Variants in PANK1 observed in about 807,000 individuals in gnomAD.
The protein encoded by PANK1 is pantothenate kinase 1, also known as pantothenic acid kinase 1.
A neutral mutation model predicts 40.1 loss-of-function variants in PANK1; 18 were observed. The observed-to-expected ratio is 0.45, with a 90% confidence interval of 0.31 to 0.67. The LOEUF (loss-of-function observed/expected upper bound fraction) is 0.67. PANK1 is among the 30% of genes least tolerant of loss of function. PANK1 has a pLI of 0.06. For synonymous variants in PANK1, 242 were observed against 237.7 expected (o/e 1.02, Z -0.17); for missense variants, 457 against 599.6 (o/e 0.76, Z 2.48).
Position 89,584,456 on chromosome 10 carries a change from C to A in PANK1, c.1336G>T (p.Gly446Ter). 1 of 1,603,892 alleles carries A rather than the reference C, an allele frequency of 6.2e-7. No individual in the cohort carries two copies. The highest frequency in any genetic ancestry group is 8.5e-7 in the Non-Finnish European group (1 of 1,170,800). ...ALFLEHEGYF[G>*]AVGALLELFK... ...AGTTCCAACAGTGCCCCAACGGCTC[C>A]AAAATAACCCTACGAAAACAATACA... Residue 446 changes from glycine to a stop codon, truncating the protein, a stop_gained, in exon 7 of 7, where the codon GGA (glycine) becomes TGA (stop). Coordinates refer to ENST00000307534, the MANE Select transcript of PANK1 (RefSeq NM_148977.3). LOFTEE classifies it high-confidence loss of function.
rs779055948 is a variant in PANK1, at chr10:89,593,253, A to G, written c.1144T>C (p.Leu382=). The G allele has an allele frequency of 2.2e-5, 35 of 1,613,644 alleles. No homozygotes were observed. Among genetic ancestry groups the G allele is most frequent in the African/African-American group, 2.7e-5 (2 of 74,890 alleles). The part of the protein sequence containing the change: ...ISKEDLARAT[L]VTITNNIGSI... Reference sequence around the variant, plus strand: ...CCAATGTTGTTGGTGATGGTGACCAATGTGGCCCGGGCGAGGTCTTCCTTG... The same window carrying G: ...CCAATGTTGTTGGTGATGGTGACCAGTGTGGCCCGGGCGAGGTCTTCCTTG... The change falls in exon 5 of 7, where the codon TTG becomes CTG. Residue 382 remains leucine (L), a synonymous_variant. Transcript: ENST00000307534.
At chr10:89,631,956 T>TTGTGTGTGTGTG (rs71471132) in intron 1 of PANK1, among the ~76,000 whole-genome samples, 226 of 135,476 alleles carry the variant, frequency 1.7e-3, no homozygotes, top group African/African-American at 5.6e-3. Flanking sequence ...AAATAACAGA[T>TTGTGTGTGTGTG]TGTGTGTGTG....
chr10:89,642,028 T>TGATA (rs1426505008), intron 1 of PANK1, among the ~76,000 whole-genome samples: 1 of 152,162 alleles, frequency 6.6e-6, no homozygotes, highest in Non-Finnish European at 1.5e-5. Context: ...TAAGGAAACC[T>TGATA]GATAGTAAGT....
intron 2 of PANK1, among the ~76,000 whole-genome samples, chr10:89,608,310 C>T (rs1346100759): frequency 6.6e-6 from 1 of 151,672 alleles, no homozygotes; most frequent in Non-Finnish European, 1.5e-5. Context: ...GGATTACAGG[C>T]GTGAGCCACC....
chr10:89,590,514 A>G (rs886095392), intron 5 of PANK1, among the ~76,000 whole-genome samples: 1 of 152,202 alleles, frequency 6.6e-6, no homozygotes, highest in Admixed American at 6.5e-5. Context: ...TACAATCAAC[A>G]TATCCGATGA....
At chr10:89,644,037 A>G in intron 1 of PANK1, 2 of 322,992 alleles carry the variant, frequency 6.2e-6, no homozygotes, top group South Asian at 7.2e-5. Context: ...AAACCCTCTC[A>G]TTGGCCGTGA....
At chr10:89,609,652 A>G (rs1357928816) in intron 2 of PANK1, among the ~76,000 whole-genome samples, 1 of 152,214 alleles carries the variant, frequency 6.6e-6, no homozygotes. Context: ...AAGGCAGTTC[A>G]TAGACTCTTC....
intron 1 of PANK1, among the ~76,000 whole-genome samples, chr10:89,631,944 G>A (rs1397461477): frequency 1.4e-5 from 2 of 142,882 alleles, no homozygotes; most frequent in Non-Finnish European, 3.0e-5. Context: ...AACTTTTACA[G>A]CAAATAACAG....
At chr10:89,586,314 T>A (rs1031877690) in intron 6 of PANK1, among the ~76,000 whole-genome samples, 6 of 152,024 alleles carry the variant, frequency 3.9e-5, no homozygotes, top group African/African-American at 1.4e-4. Context: ...TTTTTCATTA[T>A]TTTTTTTAAA....
intron 5 of PANK1, among the ~76,000 whole-genome samples, chr10:89,592,568 T>C (rs939932230): frequency 6.6e-6 from 1 of 152,252 alleles, no homozygotes; most frequent in African/African-American, 2.4e-5. Flanking sequence ...CTTTCCTGTC[T>C]TTCTAATATA....
chr10:89,596,956 G>GA lies in PANK1; in HGVS notation c.899+2295dup, dbSNP rs546350331. ...TCTATAATTCGAGTTGTGTCACTAGGAAAAAAATGTTGCTACCCAATCTGG... is the reference window on the plus strand; with the variant it reads ...TCTATAATTCGAGTTGTGTCACTAGGAAAAAAAATGTTGCTACCCAATCTGG... On this transcript the variant is annotated intron_variant, in intron 3 of 6. Transcript: ENST00000307534. Among the ~76,000 whole-genome samples the GA allele has an allele frequency of 3.3e-5, 5 of 152,066 alleles. No individual in the cohort carries two copies. The South Asian group carries it at 1.0e-3, about 32-fold the overall frequency.
intron 1 of PANK1, among the ~76,000 whole-genome samples, chr10:89,620,447 A>C (rs528611911): frequency 1.3e-5 from 2 of 152,208 alleles, no homozygotes; most frequent in South Asian, 4.1e-4. Context: ...AAGATAAGGG[A>C]TGAAATACAC....
At chr10:89,586,039 C>T (rs977578084) in intron 6 of PANK1, among the ~76,000 whole-genome samples, 2 of 152,214 alleles carry the variant, frequency 1.3e-5, no homozygotes, top group African/African-American at 4.8e-5. Flanking sequence ...TAGGCGACTA[C>T]ATTTTTACCT....
Position 89,644,587 on chromosome 10 carries a change from C to T in PANK1, c.292+13G>A. 6.3e-7 allele frequency: 1 copy of T among 1,583,912 alleles called. No homozygotes were observed. ...CTGCCTTGCGCCCGCGCTCCCCTCC[C>T]AGCGGGACTTACGCGGCCTGTTCTT... On this transcript the variant is annotated intron_variant, in intron 1 of 6. Transcript: ENST00000307534.
intron 3 of PANK1, among the ~76,000 whole-genome samples, chr10:89,596,571 T>C (rs987752176): frequency 4.6e-5 from 7 of 152,212 alleles, no homozygotes; most frequent in Admixed American, 1.3e-4. Flanking sequence ...TTTATTAATA[T>C]CCTTAACCTG....
intron 3 of PANK1, among the ~76,000 whole-genome samples, chr10:89,596,950 C>T (rs964491700): frequency 1.3e-5 from 2 of 152,112 alleles, no homozygotes; most frequent in Admixed American, 6.5e-5. Context: ...CGAGTTGTGT[C>T]ACTAGGAAAA....
intron 1 of PANK1, among the ~76,000 whole-genome samples, chr10:89,618,481 T>G (rs1845385817): frequency 6.6e-6 from 1 of 152,184 alleles, no homozygotes; most frequent in African/African-American, 2.4e-5. Flanking sequence ...TGGGTGAGAC[T>G]TTGGGGCAGT....
intron 1 of PANK1, among the ~76,000 whole-genome samples, chr10:89,627,878 G>A (rs1841520390): frequency 6.6e-6 from 1 of 152,052 alleles, no homozygotes; most frequent in African/African-American, 2.4e-5. Context: ...AAAATAATAA[G>A]ATATTAGTGT....
intron 1 of PANK1, among the ~76,000 whole-genome samples, chr10:89,615,053 A>G (rs1845275571): frequency 6.6e-6 from 1 of 152,212 alleles, no homozygotes; most frequent in African/African-American, 2.4e-5. Flanking sequence ...TAATATTTAC[A>G]GGAGTGGCAG....
Sources: allele counts gnomAD v4.1 joint callset (sites outside exome capture counted in the v4.1 genomes callset), GRCh38; gene constraint gnomAD v4.1.1; transcripts MANE v1.5; gene names NCBI Gene and HGNC (gene_info 2026-07-23, HGNC 2026-07-21).